RBM25: variants seen among roughly 807,000 people sequenced by gnomAD.
RBM25 encodes the protein RNA-binding protein 25.
Under a neutral mutation model 120.7 loss-of-function variants are expected in RBM25, and 19 were observed. The ratio of observed to expected loss-of-function variants is 0.16; its 90% confidence interval spans 0.11 to 0.23. The LOEUF is 0.23. RBM25 is among the 10% of genes least tolerant of loss of function. RBM25 has a pLI of 1.00. For missense variants in RBM25, 605 were observed against 1,041.5 expected (o/e 0.58, Z 5.77); for synonymous variants, 390 against 326.7 (o/e 1.19, Z -2.09).
chr14:73,109,166 A>G (rs911944289), intron 13 of RBM25, 176 bp from the exon 14 acceptor site: 4 of 553,656 alleles, frequency 7.2e-6, no homozygotes, highest in African/African-American at 5.8e-5. Context: ...TGCTTGTTAT[A>G]CATTTACATG....
At position 73,122,264 on chromosome 14, in the gene RBM25, T is replaced by C. The variant is rs1176444688; in HGVS notation, c.*2459T>C. 6.6e-6 allele frequency: 1 copy of C among 150,522 alleles called. No individual in the cohort carries two copies. The highest frequency in any genetic ancestry group is 6.6e-5 in the Admixed American group (1 of 15,120). 9.3% of individuals were successfully genotyped at this position (150,522 alleles called of 1,614,324 possible). On this transcript the variant is annotated 3_prime_UTR_variant, in exon 19 of 19. Coordinates refer to ENST00000261973, the MANE Select transcript of RBM25 (RefSeq NM_021239.3). The stretch of plus-strand genomic sequence containing the variant: ...TATAAAGAGCATGAAAGTCTTTTTT[T>C]GTTGTTTTTTTGGGGTTTTTTTTTT...
At position 73,120,006 on chromosome 14, in the gene RBM25, TTATACTC is replaced by T. The variant is rs1896511873; in HGVS notation, c.*202_*208del. The T allele has an allele frequency of 1.8e-5, 12 of 677,246 alleles. No homozygotes were observed. Among genetic ancestry groups the T allele is most frequent in the South Asian group, 4.5e-5 (2 of 44,292 alleles). 42.0% of individuals were successfully genotyped at this position (677,246 alleles called of 1,614,324 possible). ...AAGTCATCTGAATCCTTGGTTCTCTTTATACTCACCAGGTACAAATTACTGGTATGTT... is the reference window on the plus strand; with the variant it reads ...AAGTCATCTGAATCCTTGGTTCTCTTACCAGGTACAAATTACTGGTATGTT... On this transcript the variant is annotated 3_prime_UTR_variant, in exon 19 of 19. Transcript: ENST00000261973.
At chr14:73,082,773 A>G (rs187670346) in intron 4 of RBM25, among the ~76,000 whole-genome samples, 1 of 151,898 alleles carries the variant, frequency 6.6e-6, no homozygotes, top group African/African-American at 2.4e-5. Flanking sequence ...TCCCATGTTA[A>G]TGGGATGGCT....
chr14:73,113,697 TAAAAAAA>T (rs1023467436), intron 17 of RBM25, among the ~76,000 whole-genome samples: 1 of 149,864 alleles, frequency 6.7e-6, no homozygotes, highest in African/African-American at 2.5e-5. Flanking sequence ...TGTCTCAAAA[TAAAAAAA>T]AAGAAAAAAG....
intron 7 of RBM25, among the ~76,000 whole-genome samples, chr14:73,098,368 G>A (rs996887906): frequency 6.6e-6 from 1 of 152,138 alleles, no homozygotes; most frequent in Non-Finnish European, 1.5e-5. Context: ...GAGCTCAAAT[G>A]ATCTGCCTGC....
intron 7 of RBM25, 91 bp downstream of exon 7, chr14:73,097,191 C>CTTTTTTTTTATT: frequency 5.3e-6 from 2 of 374,070 alleles, no homozygotes; most frequent in Non-Finnish European, 7.7e-6. Flanking sequence ...TTTCTTTTTT[C>CTTTTTTTTTATT]TTTTCTTTTT....
intron 7 of RBM25, 107 bp from the exon 8 acceptor site, chr14:73,099,273 A>G: frequency 1.1e-6 from 1 of 949,036 alleles, no homozygotes; most frequent in Admixed American, 2.7e-5. Flanking sequence ...GCATCACAGA[A>G]GTGTACTGTA....
At chr14:73,068,555 C>T (rs1157470303) in intron 1 of RBM25, 5 of 652,326 alleles carry the variant, frequency 7.7e-6, no homozygotes, top group Admixed American at 1.9e-5. Context: ...AATTCTTTGG[C>T]ACTGATGTGC....
At chr14:73,113,030 C>T (rs535701172) in intron 17 of RBM25, among the ~76,000 whole-genome samples, 57 of 151,998 alleles carry the variant, frequency 3.8e-4, no homozygotes, top group African/African-American at 1.2e-3. Flanking sequence ...ATATGCATAA[C>T]GTGCAGGTTT....
At chr14:73,059,139 C>T (rs1229969099) in intron 1 of RBM25, 1 of 152,240 alleles carries the variant, frequency 6.6e-6, no homozygotes, top group Non-Finnish European at 1.5e-5. Context: ...CAGCCGTTGC[C>T]TTGAAGTTAG....
At chr14:73,088,728 TC>T (rs1449009060) in intron 6 of RBM25, among the ~76,000 whole-genome samples, 1 of 152,260 alleles carries the variant, frequency 6.6e-6, no homozygotes, top group Non-Finnish European at 1.5e-5. Flanking sequence ...TCTTCTTAGT[TC>T]CTTTTTGGCA....
At chr14:73,089,014 T>C (rs1262683779) in intron 6 of RBM25, among the ~76,000 whole-genome samples, 1 of 152,004 alleles carries the variant, frequency 6.6e-6, no homozygotes, top group African/African-American at 2.4e-5. Context: ...TTGTGGTGGG[T>C]GCCTGTAATC....
chr14:73,089,293 A>T (rs1192557235), intron 6 of RBM25, among the ~76,000 whole-genome samples: 1 of 152,208 alleles, frequency 6.6e-6, no homozygotes, highest in Non-Finnish European at 1.5e-5. Flanking sequence ...CATCATAAGC[A>T]ACACTGTAGG....
intron 4 of RBM25, 131 bp downstream of exon 4, chr14:73,077,667 G>A: frequency 1.3e-6 from 1 of 775,202 alleles, no homozygotes; most frequent in Non-Finnish European, 2.0e-6. Context: ...AGGTGAAAAA[G>A]TACAGTGAAC....
At chr14:73,103,982 ACACACACACACACTCTCTCT>A (rs1896123008) in intron 10 of RBM25, among the ~76,000 whole-genome samples, 1 of 124,806 alleles carries the variant, frequency 8.0e-6, no homozygotes, top group African/African-American at 3.0e-5. Flanking sequence ...ACACACACAC[ACACACACACACACTCTCTCT>A]CTCTCTCTCT....
chr14:73,119,434 T>G (rs911379957), intron 18 of RBM25, among the ~76,000 whole-genome samples: 3 of 152,102 alleles, frequency 2.0e-5, no homozygotes, highest in African/African-American at 7.2e-5. Flanking sequence ...CCCAGCTAGT[T>G]TTTTGTATTT....
At chr14:73,066,951 A>G (rs555542541) in intron 1 of RBM25, among the ~76,000 whole-genome samples, 13 of 152,208 alleles carry the variant, frequency 8.5e-5, no homozygotes, top group South Asian at 4.1e-4. Context: ...ACACTGATCT[A>G]TTCTACCAAT....
Position 73,063,269 on chromosome 14 carries a change from C to T in RBM25, c.-16+4564C>T, listed in dbSNP as rs1453433169. 2.6e-5 allele frequency among the ~76,000 whole-genome samples: 4 copies of T among 151,196 alleles called. 1 individual carries two copies. The highest frequency in any genetic ancestry group is 2.0e-4 in the Admixed American group (3 of 15,176). On this transcript the variant is annotated intron_variant, in intron 1 of 18. Transcript: ENST00000261973. ...GGTTCACGCCATTCTCCTGCCTCAG[C>T]CTCCCGAGTAGCTGGGACTACAGGC...
intron 9 of RBM25, chr14:73,102,906 G>T (rs973843500): frequency 2.8e-5 from 9 of 326,778 alleles, no homozygotes; most frequent in Non-Finnish European, 4.9e-5. Flanking sequence ...ATTCTTCATG[G>T]TCATTTTAGT....
Sources: allele counts gnomAD v4.1 joint callset (sites outside exome capture counted in the v4.1 genomes callset), GRCh38; gene constraint gnomAD v4.1.1; transcripts MANE v1.5; gene names NCBI Gene and HGNC (gene_info 2026-07-23, HGNC 2026-07-21).